RBMS3: variants seen among roughly 807,000 people sequenced by gnomAD.
RBMS3 encodes the protein RNA-binding motif, single-stranded-interacting protein 3.
A neutral mutation model predicts 66.8 loss-of-function variants in RBMS3; 27 were observed. The observed-to-expected ratio is 0.40, with a 90% confidence interval of 0.30 to 0.56. The LOEUF is 0.56. Ranked by LOEUF, RBMS3 falls within the 20% of genes least tolerant of loss-of-function variation. The pLI, the probability that RBMS3 is intolerant of heterozygous loss-of-function variation, is 0.40. For missense variants in RBMS3, 513 were observed against 549.5 expected (o/e 0.93, Z 0.66); for synonymous variants, 188 against 183.0 (o/e 1.03, Z -0.22).
chr3:29,397,288 C>T (rs2039595849), intron 1 of RBMS3, among the ~76,000 whole-genome samples: 1 of 152,142 alleles, frequency 6.6e-6, no homozygotes, highest in Non-Finnish European at 1.5e-5. Context: ...CTTAAGTCCT[C>T]ATAATATAGC....
Position 29,811,475 on chromosome 3 carries a change from T to C in RBMS3, c.637+48486T>C, listed in dbSNP as rs115236004. On this transcript the variant is annotated intron_variant, in intron 6 of 14. Transcript: ENST00000383767. ...TGAACACCTTCTATAAGCTGGGTTC[T>C]ATTCTAGGTTCTTGAGATTCATTAG... 7.0e-3 allele frequency among the ~76,000 whole-genome samples: 1,064 copies of C among 152,324 alleles called. 9 individuals carry two copies. Among genetic ancestry groups the C allele is most frequent in the African/African-American group, 0.024 (1,014 of 41,584 alleles).
intron 6 of RBMS3, among the ~76,000 whole-genome samples, chr3:29,865,135 A>AGGAAGGAAGGAAGG (rs1577027172): frequency 6.6e-6 from 1 of 151,484 alleles, no homozygotes; most frequent in African/African-American, 2.4e-5. Context: ...GAAGGAAGGA[A>AGGAAGGAAGGAAGG]ATTTGCCTAG....
rs927068497 is a variant in RBMS3, at chr3:29,678,888, C to T, written c.400-60832C>T. Among the ~76,000 whole-genome samples, 3 of 152,128 alleles carry T rather than the reference C, an allele frequency of 2.0e-5. No homozygotes were observed. The South Asian group carries it at 6.2e-4, about 31-fold the overall frequency. ...CTCAGTAGGAGCTACTAGCCACTGACTGGCTATTGACTGAGATGATATAAT... is the reference window on the plus strand; with the variant it reads ...CTCAGTAGGAGCTACTAGCCACTGATTGGCTATTGACTGAGATGATATAAT... On this transcript the variant is annotated intron_variant, in intron 4 of 14. Transcript: ENST00000383767.
rs1055411792 is a variant in RBMS3 at position 30,007,442 on chromosome 3, A to G, written c.*3580A>G. ...TTAATAGCCAAGACTTAGCTTAAAC[A>G]TCAGGAAACAAACTAAAGCCACAAT... On this transcript the variant is annotated 3_prime_UTR_variant, in exon 15 of 15. Coordinates refer to ENST00000383767, the MANE Select transcript of RBMS3 (RefSeq NM_001003793.3). 1.3e-5 allele frequency: 2 copies of G among 152,064 alleles called. No individual in the cohort carries two copies. Among genetic ancestry groups the G allele is most frequent in the African/African-American group, 4.8e-5 (2 of 41,410 alleles). The allele number at this position is 152,064 out of a possible 1,614,324, so 9.4% of individuals were successfully genotyped here. A position where few individuals can be genotyped will look rare whatever the true frequency, so the allele number is the denominator to read the frequency against.
chr3:29,431,318 G>T, intron 1 of RBMS3, among the ~76,000 whole-genome samples: 1 of 19,502 alleles, frequency 5.1e-5, no homozygotes, highest in Non-Finnish European at 1.0e-4. Context: ...TTTTTTGACA[G>T]AGTCTCACTC....
At chr3:29,886,699 AATT>A (rs35491623) in intron 8 of RBMS3, among the ~76,000 whole-genome samples, 1 of 151,710 alleles carries the variant, frequency 6.6e-6, no homozygotes, top group African/African-American at 2.4e-5. Flanking sequence ...CCTGGGGAGT[AATT>A]ATTATTTTTT....
intron 10 of RBMS3, among the ~76,000 whole-genome samples, chr3:29,928,207 TATATAC>T (rs1449590795): frequency 1.2e-4 from 13 of 112,264 alleles, no homozygotes; most frequent in Admixed American, 4.5e-4. Flanking sequence ...TATATATATA[TATATAC>T]ACACACACAC....
At chr3:29,408,229 G>A (rs1018848454) in intron 1 of RBMS3, among the ~76,000 whole-genome samples, 6 of 137,218 alleles carry the variant, frequency 4.4e-5, no homozygotes, top group Non-Finnish European at 6.0e-5. Flanking sequence ...CCGAGATTGC[G>A]CCACTGCACT....
intron 12 of RBMS3, among the ~76,000 whole-genome samples, chr3:29,961,751 C>G (rs1221708614): frequency 6.6e-6 from 1 of 151,728 alleles, no homozygotes; most frequent in African/African-American, 2.4e-5. Context: ...CTGAGAACAG[C>G]ATGGAGGTAG....
intron 4 of RBMS3, among the ~76,000 whole-genome samples, chr3:29,671,241 C>T (rs1317606356): frequency 2.6e-5 from 4 of 151,840 alleles, no homozygotes; most frequent in Non-Finnish European, 5.9e-5. Flanking sequence ...TCAACGTCAA[C>T]AAAAAGGACA....
At chr3:29,466,578 A>G (rs2042550805) in intron 2 of RBMS3, among the ~76,000 whole-genome samples, 2 of 152,194 alleles carry the variant, frequency 1.3e-5, no homozygotes, top group Non-Finnish European at 2.9e-5. Flanking sequence ...GTTCTCCAGA[A>G]TAATGATGCT....
At chr3:29,866,235 A>G (rs2059362070) in intron 6 of RBMS3, among the ~76,000 whole-genome samples, 1 of 152,176 alleles carries the variant, frequency 6.6e-6, no homozygotes, top group South Asian at 2.1e-4. Flanking sequence ...TGCATATATC[A>G]ACACTGACAA....
At chr3:29,771,009 A>G (rs1029434045) in intron 6 of RBMS3, among the ~76,000 whole-genome samples, 1 of 152,016 alleles carries the variant, frequency 6.6e-6, no homozygotes, top group African/African-American at 2.4e-5. Context: ...ATCATTTATG[A>G]TCTAATTTTT....
intron 3 of RBMS3, among the ~76,000 whole-genome samples, chr3:29,501,226 C>T (rs2043954932): frequency 6.6e-6 from 1 of 152,072 alleles, no homozygotes; most frequent in African/African-American, 2.4e-5. Flanking sequence ...TTAACACGTC[C>T]ACTTTGTATT....
chr3:29,601,805 G>C (rs551808890), intron 4 of RBMS3, among the ~76,000 whole-genome samples: 1 of 152,060 alleles, frequency 6.6e-6, no homozygotes, highest in Non-Finnish European at 1.5e-5. Context: ...TTTGTTTGAT[G>C]ATGTACTTTT....
intron 1 of RBMS3, among the ~76,000 whole-genome samples, chr3:29,296,143 T>G (rs2033246851): frequency 2.6e-5 from 4 of 151,900 alleles, no homozygotes; most frequent in South Asian, 2.1e-4. Context: ...GGGTCAGCAA[T>G]TCTAGGATCT....
At position 29,582,130 on chromosome 3, in the gene RBMS3, A is replaced by C. The variant is rs75023277; in HGVS notation, c.308-4984A>C. 2.3e-3 allele frequency among the ~76,000 whole-genome samples: 351 copies of C among 151,490 alleles called. 3 individuals are homozygous for C. Among genetic ancestry groups the C allele is most frequent in the African/African-American group, 7.6e-3 (312 of 41,292 alleles). On this transcript the variant is annotated intron_variant, in intron 3 of 14. Transcript: ENST00000383767. ...AAATAAGAACCATCTGGACACTACT[A>C]TTCTTTGTAGAATTCCATTATAGAT... is the stretch of plus-strand genomic sequence containing the variant.
In RBMS3 at chr3:29,728,153, C is replaced by A. The variant is rs529105358; in HGVS notation, c.400-11567C>A. On this transcript the variant is annotated intron_variant, in intron 4 of 14. Transcript: ENST00000383767. ...TTCTCACTTATAAATGGGAGTTGAA[C>A]CATGAGAAAACATGGACACGGGGAG... Among the ~76,000 whole-genome samples the A allele has an allele frequency of 5.9e-5, 9 of 151,908 alleles. No homozygotes were observed. In the East Asian group the frequency reaches 1.7e-3, roughly 29 times the overall value.
intron 1 of RBMS3, among the ~76,000 whole-genome samples, chr3:29,300,626 G>T (rs2033609686): frequency 6.6e-6 from 1 of 152,032 alleles, no homozygotes; most frequent in South Asian, 2.1e-4. Context: ...GTATTTATTT[G>T]TTCCTATAAA....
Sources: gnomAD v4.1 joint callset for allele counts (sites outside exome capture counted in the v4.1 genomes callset) on GRCh38, gnomAD v4.1.1 for gene constraint, MANE v1.5 for transcripts, NCBI Gene and HGNC (gene_info 2026-07-23, HGNC 2026-07-21) for gene names.